The following SCN7A variants were observed in gnomAD, a reference collection of about 807,000 sequenced individuals.
SCN7A encodes the protein sodium voltage-gated channel alpha subunit 7, also known as sodium channel protein type 7 subunit alpha.
In SCN7A, 138 loss-of-function variants were observed where a neutral mutation model predicts 155.2. The ratio of observed to expected loss-of-function variants is 0.89; its 90% confidence interval spans 0.77 to 1.02. The LOEUF is 1.02. Ranked by LOEUF, SCN7A falls within the 50% of genes least tolerant of loss-of-function variation. The probability of loss-of-function intolerance (pLI) is 0.00; values close to 1 mark genes in which losing one functional copy is unlikely to be tolerated. For missense variants in SCN7A, 2,058 were observed against 1,986.6 expected (o/e 1.04, Z -0.68); for synonymous variants, 693 against 649.0 (o/e 1.07, Z -1.03).
At chr2:166,428,015 TATGTGCCACAGCAA>T in intron 17 of SCN7A, 73 bp from the exon 18 acceptor site, 1 of 1,381,394 alleles carries the variant, frequency 7.2e-7, no homozygotes, top group Non-Finnish European at 1.0e-6. Flanking sequence ...AACTTTCTAC[TATGTGCCACAGCAA>T]TTATTTATTT....
Position 166,416,829 on chromosome 2 carries a change from A to C in SCN7A, c.3292T>G (p.Ser1098Ala), listed in dbSNP as rs941706285. 1 of 1,613,548 alleles carries C rather than the reference A, an allele frequency of 6.2e-7. No homozygotes were observed. The highest frequency in any genetic ancestry group is 1.7e-5 in the Admixed American group (1 of 59,960). ...CGACTCTTATTCATGACTTCAGATG[A>C]AGGAAACCTTTCTCCACTTGTTGGG... is the stretch of plus-strand genomic sequence containing the variant. ...IDPTSGERFP[S>A]SEVMNKSRCE... The change falls in exon 21 of 26, where the codon TCA becomes GCA. Residue 1098 changes from serine (S) to alanine (A), a missense_variant. Transcript: ENST00000643258.
chr2:166,456,819 T>TAGATAGATAG (rs1377186699), intron 11 of SCN7A, 51 bp downstream of exon 11: 84 of 644,172 alleles, frequency 1.3e-4, no homozygotes, highest in African/African-American at 6.3e-4. Flanking sequence ...TATATATATA[T>TAGATAGATAG]ATATATATAT....
intron 19 of SCN7A, among the ~76,000 whole-genome samples, chr2:166,422,117 T>A (rs894972690): frequency 6.6e-5 from 10 of 152,076 alleles, no homozygotes; most frequent in African/African-American, 2.2e-4. Context: ...TGAAGGCTAA[T>A]TTGAAAGAGT....
In SCN7A at chr2:166,416,692, C is replaced by T; in HGVS notation, c.3414+15G>A. ...GAATATATAATTAATAAGGAAAAGT[C>T]AAAAGTGTACTTACTACTTGAAGCA... On this transcript the variant is annotated intron_variant, in intron 21 of 25. Coordinates refer to ENST00000643258, the MANE Select transcript of SCN7A (RefSeq NM_002976.4). 1 of 1,578,138 alleles carries T rather than the reference C, an allele frequency of 6.3e-7. No individual in the cohort carries two copies. Among genetic ancestry groups the T allele is most frequent in the Non-Finnish European group, 8.6e-7 (1 of 1,162,748 alleles).
intron 9 of SCN7A, among the ~76,000 whole-genome samples, chr2:166,463,172 A>G (rs1702452196): frequency 6.6e-6 from 1 of 152,188 alleles, no homozygotes; most frequent in South Asian, 2.1e-4. Context: ...AATAATTTAT[A>G]AGCAGTATTT....
At chr2:166,465,586 G>A (rs868230784) in intron 8 of SCN7A, 55 bp from the exon 9 acceptor site, 1 of 1,366,550 alleles carries the variant, frequency 7.3e-7, no homozygotes, top group South Asian at 1.2e-5. Context: ...TAGCACCACA[G>A]TAGAAGTCCA....
intron 9 of SCN7A, among the ~76,000 whole-genome samples, chr2:166,463,918 T>C (rs185585434): frequency 1.3e-3 from 200 of 152,040 alleles, no homozygotes; most frequent in African/African-American, 4.6e-3. Context: ...CAGCCAGTAG[T>C]GGTGGCACAT....
Position 166,494,113 on chromosome 2 carries a change from G to C in SCN7A, c.-273C>G, listed in dbSNP as rs1231796129. 2 of 152,272 alleles carry C rather than the reference G, an allele frequency of 1.3e-5. No homozygotes were observed. Among genetic ancestry groups the C allele is most frequent in the Non-Finnish European group, 2.9e-5 (2 of 68,178 alleles). The allele number at this position is 152,272 out of a possible 1,614,324, so 9.4% of individuals were successfully genotyped here. A position where few individuals can be genotyped will look rare whatever the true frequency, so the allele number is the denominator to read the frequency against. On this transcript the variant is annotated 5_prime_UTR_variant, in exon 1 of 26. Transcript: ENST00000643258. ...TCTAGTTGTACAGAAGCTGCTGTTAGGCTGGCGTCTGTCCTCACCAGCTGT... is the reference window on the plus strand; with the variant it reads ...TCTAGTTGTACAGAAGCTGCTGTTACGCTGGCGTCTGTCCTCACCAGCTGT...
At chr2:166,490,937 T>C (rs954666407) in intron 1 of SCN7A, among the ~76,000 whole-genome samples, 6 of 152,088 alleles carry the variant, frequency 3.9e-5, no homozygotes, top group Admixed American at 3.9e-4. Context: ...TGATTTAGTT[T>C]TTGTCTCACT....
At chr2:166,413,588 A>G (rs1701249645) in intron 21 of SCN7A, among the ~76,000 whole-genome samples, 3 of 152,042 alleles carry the variant, frequency 2.0e-5, no homozygotes, top group Admixed American at 2.0e-4. Context: ...GTTAATACTG[A>G]GTGTCAATTT....
At chr2:166,474,402 T>C in intron 3 of SCN7A, 58 bp from the exon 4 acceptor site, 1 of 645,160 alleles carries the variant, frequency 1.5e-6, no homozygotes, top group Non-Finnish European at 2.5e-6. Flanking sequence ...TCTCATCAAT[T>C]ATGCAATAAA....
At chr2:166,476,182 G>A (rs1462077888) in intron 3 of SCN7A, among the ~76,000 whole-genome samples, 2 of 151,608 alleles carry the variant, frequency 1.3e-5, no homozygotes, top group Non-Finnish European at 2.9e-5. Context: ...GAGGCTACCC[G>A]AGATACTGCA....
chr2:166,462,317 A>G, intron 10 of SCN7A, 72 bp downstream of exon 10: 5 of 1,447,000 alleles, frequency 3.5e-6, no homozygotes, highest in Non-Finnish European at 4.6e-6. Flanking sequence ...ACTATATTAC[A>G]TTTGACCATT....
intron 17 of SCN7A, 24 bp from the exon 18 acceptor site, chr2:166,427,966 A>G: frequency 6.2e-7 from 1 of 1,608,180 alleles, no homozygotes; most frequent in Non-Finnish European, 8.5e-7. Context: ...ATTGGTAAGA[A>G]CAACAATCTA....
chr2:166,484,055 G>T (rs537605702), intron 2 of SCN7A, among the ~76,000 whole-genome samples: 1 of 151,998 alleles, frequency 6.6e-6, no homozygotes, highest in South Asian at 2.1e-4. Context: ...AGTGTTAACT[G>T]GGAAATAATG....
chr2:166,462,233 A>G (rs1702430035), intron 10 of SCN7A, 156 bp downstream of exon 10: 2 of 745,654 alleles, frequency 2.7e-6, no homozygotes, highest in South Asian at 4.9e-5. Flanking sequence ...TGGCCAGCAT[A>G]TAATTTGACA....
chr2:166,454,536 T>A (rs1259355750), intron 11 of SCN7A, among the ~76,000 whole-genome samples: 1 of 152,188 alleles, frequency 6.6e-6, no homozygotes, highest in African/African-American at 2.4e-5. Context: ...AGTTAACATT[T>A]CCCTCTTTGA....
intron 21 of SCN7A, among the ~76,000 whole-genome samples, chr2:166,416,136 T>C (rs1701371387): frequency 6.6e-6 from 1 of 152,114 alleles, no homozygotes. Flanking sequence ...CTTACTAGGA[T>C]TGGGAAACTC....
chr2:166,478,996 A>G (rs1458242845), intron 2 of SCN7A, among the ~76,000 whole-genome samples: 1 of 152,020 alleles, frequency 6.6e-6, no homozygotes, highest in Non-Finnish European at 1.5e-5. Flanking sequence ...ATGTCAAAAG[A>G]TTGATTTTTC....
Sources: allele counts gnomAD v4.1 joint callset (sites outside exome capture counted in the v4.1 genomes callset), GRCh38; gene constraint gnomAD v4.1.1; transcripts MANE v1.5; gene names NCBI Gene and HGNC (gene_info 2026-07-23, HGNC 2026-07-21).